The following TBX4 variants were observed in gnomAD, a reference collection of about 807,000 sequenced individuals.
The protein encoded by TBX4 is T-box transcription factor 4.
In TBX4, 13 loss-of-function variants were observed where a neutral mutation model predicts 54.6. The observed-to-expected ratio is 0.24, with a 90% CI of 0.15 to 0.38. The LOEUF is 0.38. Ranked by LOEUF, TBX4 falls within the 10% of genes least tolerant of loss-of-function variation. The probability of loss-of-function intolerance (pLI) is 1.00; values close to 1 mark genes in which losing one functional copy is unlikely to be tolerated. For synonymous variants in TBX4, 314 were observed against 306.7 expected (o/e 1.02, Z -0.25); for missense variants, 631 against 728.5 (o/e 0.87, Z 1.54).
intron 4 of TBX4, among the ~76,000 whole-genome samples, chr17:61,466,585 C>A (rs2060538864): frequency 6.6e-6 from 1 of 152,236 alleles, no homozygotes. Context: ...CGGAACAGCG[C>A]TCCAGGAGCG....
chr17:61,478,374 T>C lies in TBX4; in HGVS notation c.550-253T>C, dbSNP rs1451661593. On this transcript the variant is annotated intron_variant, in intron 5 of 8. Transcript: ENST00000644296. This position sits in a 1 kb window ranked among gnomAD's most constrained non-coding sequence, Gnocchi z 7.4. ...TTCTCCATTACCACAGTGAATCAAC[T>C]GGTCACATCAAGGAGGGCCTGGAGC... is the stretch of plus-strand genomic sequence containing the variant. 1 of 555,954 alleles carries C rather than the reference T, an allele frequency of 1.8e-6. No homozygotes were observed. Among genetic ancestry groups the C allele is most frequent in the African/African-American group, 1.9e-5 (1 of 52,784 alleles). The allele number at this position is 555,954 out of a possible 1,614,324, so 34.4% of individuals were successfully genotyped here.
chr17:61,469,626 T>A (rs1165695382), intron 5 of TBX4, among the ~76,000 whole-genome samples: 1 of 152,192 alleles, frequency 6.6e-6, no homozygotes, highest in Non-Finnish European at 1.5e-5. Context: ...CCAGGTCCAG[T>A]GTCTCTGGGC....
chr17:61,473,921 C>T (rs1351876382), intron 5 of TBX4, among the ~76,000 whole-genome samples: 1 of 152,182 alleles, frequency 6.6e-6, no homozygotes, highest in Non-Finnish European at 1.5e-5. Flanking sequence ...GGTACCACCC[C>T]AGTGTTGCTC....
At chr17:61,452,956 C>T in intron 1 of TBX4, 3 of 985,304 alleles carry the variant, frequency 3.0e-6, no homozygotes, top group Non-Finnish European at 3.6e-6. Flanking sequence ...GGAAGAGGGC[C>T]CCGGTACTGG....
chr17:61,465,789 A>G lies in TBX4; in HGVS notation c.282-30A>G. The G allele has an allele frequency of 6.2e-7, 1 of 1,613,310 alleles. No individual in the cohort carries two copies. The highest frequency in any genetic ancestry group is 1.3e-5 in the African/African-American group (1 of 74,988). ...CCATCTCTCCTGGTGCTCTGTCCAC[A>G]CGCTCCGCCTCACCCCTCGGCTCCC... On this transcript the variant is annotated intron_variant, in intron 3 of 8. Transcript: ENST00000644296. The surrounding 1 kb of genome is among the most constrained non-coding windows in gnomAD (Gnocchi z 4.9).
At chr17:61,477,414 C>T (rs1466489294) in intron 5 of TBX4, among the ~76,000 whole-genome samples, 6 of 152,212 alleles carry the variant, frequency 3.9e-5, no homozygotes, top group Admixed American at 3.9e-4. Context: ...TAAGCTTTGT[C>T]CAGCCGCGGC....
rs544391624 is a variant in TBX4 at position 61,479,650 on chromosome 17, A to G, written c.703-231A>G. On this transcript the variant is annotated intron_variant, in intron 6 of 8. Coordinates refer to ENST00000644296, the MANE Select transcript of TBX4 (RefSeq NM_001321120.2). This position sits in a 1 kb window ranked among gnomAD's most constrained non-coding sequence, Gnocchi z 6.1. The stretch of plus-strand genomic sequence containing the variant: ...AAACCAGGTGTGAATGGCAAGGCCC[A>G]CTTCCCCAGACCTGCCCCAGTTCTG... Among the ~76,000 whole-genome samples, 4 of 152,090 alleles carry G rather than the reference A, an allele frequency of 2.6e-5. No homozygotes were observed. The highest frequency in any genetic ancestry group is 4.4e-5 in the Non-Finnish European group (3 of 67,996).
chr17:61,480,377 C>G lies in TBX4; in HGVS notation c.1021+58C>G, dbSNP rs930070150. 7.0e-6 allele frequency: 10 copies of G among 1,419,628 alleles called. No homozygotes were observed. In the African/African-American group the frequency reaches 1.3e-4, roughly 19 times the overall value. 87.9% of individuals were successfully genotyped at this position (1,419,628 alleles called of 1,614,324 possible). A position where few individuals can be genotyped will look rare whatever the true frequency, so the allele number is the denominator to read the frequency against. On this transcript the variant is annotated intron_variant, in intron 8 of 8. Transcript: ENST00000644296. This position sits in a 1 kb window ranked among gnomAD's most constrained non-coding sequence, Gnocchi z 6.2. ...GTAAGAGGAGCGGTGAGGTTCTCCC[C>G]GAAACCACTCTGCAGCGCCCCCCCC...
chr17:61,473,010 A>G (rs985316904), intron 5 of TBX4, among the ~76,000 whole-genome samples: 4 of 152,174 alleles, frequency 2.6e-5, no homozygotes, highest in Non-Finnish European at 5.9e-5. Context: ...TTTCTTGGCT[A>G]GTCTTGTCTA....
chr17:61,471,908 T>TA (rs1569039990), intron 5 of TBX4, among the ~76,000 whole-genome samples: 23 of 145,378 alleles, frequency 1.6e-4, no homozygotes, highest in African/African-American at 5.7e-4. Flanking sequence ...TTTTTTTTTT[T>TA]TTTTTTTTTT....
rs976025717 is a variant in TBX4, at chr17:61,456,414, C to T, written c.-3-74C>T. On this transcript the variant is annotated intron_variant, in intron 1 of 8. Coordinates refer to ENST00000644296, the MANE Select transcript of TBX4 (RefSeq NM_001321120.2). ...CGCGCCCCGCACGAAGTCCCGGAAT[C>T]GGCTGGAGAGGGCCAGGGGTCCTCT... 73 of 1,529,980 alleles carry T rather than the reference C, an allele frequency of 4.8e-5. No homozygotes were observed. In the African/African-American group the frequency reaches 9.3e-4, roughly 19 times the overall value. The allele number at this position is 1,529,980 out of a possible 1,614,324, so 94.8% of individuals were successfully genotyped here. A position where few individuals can be genotyped will look rare whatever the true frequency, so the allele number is the denominator to read the frequency against.
In TBX4 at chr17:61,480,400, C is replaced by A. The variant is rs540936006; in HGVS notation, c.1021+81C>A. 4.6e-5 allele frequency: 52 copies of A among 1,132,038 alleles called. No individual in the cohort carries two copies. The highest frequency in any genetic ancestry group is 3.3e-4 in the East Asian group (13 of 39,028). 70.1% of individuals were successfully genotyped at this position (1,132,038 alleles called of 1,614,324 possible). On this transcript the variant is annotated intron_variant, in intron 8 of 8. Transcript: ENST00000644296. This position sits in a 1 kb window ranked among gnomAD's most constrained non-coding sequence, Gnocchi z 6.2. ...CCCGAAACCACTCTGCAGCGCCCCC[C>A]CCCCCAACACACACACACTCATCTC...
rs1341406036 is a variant in TBX4 at position 61,474,173 on chromosome 17, G to A, written c.550-4454G>A. Among the ~76,000 whole-genome samples the A allele has an allele frequency of 6.6e-6, 1 of 152,206 alleles. No individual in the cohort carries two copies. Among genetic ancestry groups the A allele is most frequent in the Admixed American group, 6.5e-5 (1 of 15,282 alleles). On this transcript the variant is annotated intron_variant, in intron 5 of 8. Coordinates refer to ENST00000644296, the MANE Select transcript of TBX4 (RefSeq NM_001321120.2). This position sits in a 1 kb window ranked among gnomAD's most constrained non-coding sequence, Gnocchi z 4.6. ...TAGTCACAGAAAATAAAATTATGAT[G>A]CAGGGTAAATCTGGTTTTAGTATCT...
rs1198102989 is a variant in TBX4 at position 61,456,534 on chromosome 17, G to T, written c.44G>T (p.Arg15Leu). 1.0e-5 allele frequency: 16 copies of T among 1,559,442 alleles called. No individual in the cohort carries two copies. The highest frequency in any genetic ancestry group is 1.4e-5 in the Non-Finnish European group (16 of 1,152,472). The change falls in exon 2 of 9, where the codon CGG becomes CTG. Residue 15 changes from arginine to leucine, a missense_variant. Arg to Leu is a moderately radical substitution (Grantham distance 102). Around this residue, in one of 3 missense-constraint regions of TBX4, gnomAD observed 123 missense variants for 120.9 expected, o/e 1.02. Transcript: ENST00000644296. Reference protein sequence around the residue: ...KGLSESEEAFRAPGPALGEAS... With the variant: ...KGLSESEEAFLAPGPALGEAS... ...CTGTCCGAGAGCGAGGAGGCCTTCC[G>T]GGCCCCGGGCCCAGCGCTCGGAGAG...
rs993127844 is a variant in TBX4, at chr17:61,462,976, G to A, written c.282-2843G>A. On this transcript the variant is annotated intron_variant, in intron 3 of 8. Transcript: ENST00000644296. The surrounding 1 kb of genome is among the most constrained non-coding windows in gnomAD (Gnocchi z 4.5). ...TCCCTTCAAGAACCCAAGGGCAGAT[G>A]CCCAAGGGGCCTTGAATTCTCCCCT... 4 of 152,276 alleles carry A rather than the reference G, an allele frequency of 2.6e-5. No individual in the cohort carries two copies. The highest frequency in any genetic ancestry group is 5.9e-5 in the Non-Finnish European group (4 of 68,068). 9.4% of individuals were successfully genotyped at this position (152,276 alleles called of 1,614,324 possible).
rs1394686485 is a variant in TBX4 at position 61,457,809 on chromosome 17, G to T, written c.281+178G>T. 6.6e-6 allele frequency among the ~76,000 whole-genome samples: 1 copy of T among 152,208 alleles called. No homozygotes were observed. Among genetic ancestry groups the T allele is most frequent in the South Asian group, 2.1e-4 (1 of 4,834 alleles). On this transcript the variant is annotated intron_variant, in intron 3 of 8. Transcript: ENST00000644296. This position sits in a 1 kb window ranked among gnomAD's most constrained non-coding sequence, Gnocchi z 8.2. ...GACTGGGCCGCCAAAGCCCGCAGGG[G>T]GCCACCGCAGCCGCGCGGGCCTTGC...
At chr17:61,482,689 C>T (rs2060672348) in intron 8 of TBX4, among the ~76,000 whole-genome samples, 1 of 152,174 alleles carries the variant, frequency 6.6e-6, no homozygotes, top group Non-Finnish European at 1.5e-5. Context: ...CCCCCGTGGC[C>T]TCTGAGTAGG....
chr17:61,478,785 GCCACTGCCCCACTGCC>G lies in TBX4; in HGVS notation c.702+11_702+26del. 2 of 1,614,094 alleles carry G rather than the reference GCCACTGCCCCACTGCC, an allele frequency of 1.2e-6. No individual in the cohort carries two copies. The highest frequency in any genetic ancestry group is 4.5e-5 in the East Asian group (2 of 44,864). ...CCTCCTACCAGAATCACAAGGTACA[GCCACTGCCCCACTGCC>G]CCACAGCCCCACTTAACACCACCCT... On this transcript the variant is annotated splice_region_variant and intron_variant, in intron 6 of 8. Transcript: ENST00000644296. The surrounding 1 kb of genome is among the most constrained non-coding windows in gnomAD (Gnocchi z 7.4).
At position 61,482,957 on chromosome 17, in the gene TBX4, C is replaced by T. The variant is rs149749116; in HGVS notation, c.1082C>T (p.Ser361Leu). Residue 361 changes from serine (S) to leucine (L), a missense_variant, in exon 9 of 9, where the codon TCG becomes TTG. By Grantham distance (145) the Ser-to-Leu change is moderately radical. Transcript: ENST00000644296. ...CKRSYLEAPS[S>L]VGEDHYFRSP... Reference sequence around the variant, plus strand: ...CGATCCTATCTGGAAGCCCCCTCTTCGGTGGGGGAGGATCACTATTTCCGT... The same window carrying T: ...CGATCCTATCTGGAAGCCCCCTCTTTGGTGGGGGAGGATCACTATTTCCGT... 5.1e-5 allele frequency: 82 copies of T among 1,613,862 alleles called. No individual in the cohort carries two copies. In the African/African-American group the frequency reaches 8.4e-4, roughly 17 times the overall value.
Sources: allele counts gnomAD v4.1 joint callset (sites outside exome capture counted in the v4.1 genomes callset), GRCh38; gene constraint gnomAD v4.1.1; regional missense constraint gnomAD v4.1.1; non-coding constraint Gnocchi (gnomAD v3.1); transcripts MANE v1.5; gene names NCBI Gene and HGNC (gene_info 2026-07-23, HGNC 2026-07-21).